The following SLC24A2 variants were observed in gnomAD, a reference collection of about 807,000 sequenced individuals.
The protein encoded by SLC24A2 is solute carrier family 24 member 2.
A neutral mutation model predicts 62.0 loss-of-function variants in SLC24A2; 36 were observed. That is an observed-to-expected ratio of 0.58 (90% CI 0.44 to 0.77). SLC24A2 has a LOEUF of 0.77. Ranked by LOEUF, SLC24A2 falls within the 30% of genes least tolerant of loss-of-function variation. SLC24A2 has a pLI of 0.00. For synonymous variants in SLC24A2, 358 were observed against 294.0 expected (o/e 1.22, Z -2.23); for missense variants, 846 against 817.9 (o/e 1.03, Z -0.42).
chr9:19,556,482 G>A (rs761529945), intron 7 of SLC24A2, among the ~76,000 whole-genome samples: 4 of 152,118 alleles, frequency 2.6e-5, no homozygotes, highest in Non-Finnish European at 5.9e-5. Flanking sequence ...AACTCAGGAG[G>A]CATCTGAAAA....
At chr9:19,726,430 G>A (rs530610044) in intron 2 of SLC24A2, among the ~76,000 whole-genome samples, 1 of 152,190 alleles carries the variant, frequency 6.6e-6, no homozygotes, top group South Asian at 2.1e-4. Context: ...TGTTCATCTT[G>A]TTTTATTTTA....
intron 2 of SLC24A2, among the ~76,000 whole-genome samples, chr9:19,686,397 C>G (rs1002383476): frequency 1.3e-5 from 2 of 152,076 alleles, no homozygotes; most frequent in African/African-American, 4.8e-5. Flanking sequence ...CCCAGCAATT[C>G]CAATACTGGC....
chr9:19,601,674 G>A (rs1366219202), intron 4 of SLC24A2, among the ~76,000 whole-genome samples: 1 of 151,382 alleles, frequency 6.6e-6, no homozygotes. Flanking sequence ...TTTTCACAAA[G>A]TCCAGGAGAT....
chr9:20,077,584 A>G, the SLC24A2 span, among the ~76,000 whole-genome samples: 1 of 148,540 alleles, frequency 6.7e-6, no homozygotes, highest in African/African-American at 2.4e-5. Context: ...GGCTGCCCCC[A>G]GCTTTCTGGG....
At chr9:20,264,539 A>C in the SLC24A2 span, among the ~76,000 whole-genome samples, 1 of 152,224 alleles carries the variant, frequency 6.6e-6, no homozygotes, top group South Asian at 2.1e-4. Context: ...TGAAGTATCA[A>C]ACACAATTGG....
At chr9:19,774,014 T>C (rs888472988) in intron 2 of SLC24A2, among the ~76,000 whole-genome samples, 2 of 152,156 alleles carry the variant, frequency 1.3e-5, no homozygotes, top group Non-Finnish European at 2.9e-5. Flanking sequence ...CAGATTCATA[T>C]GGCTGCAAGG....
At chr9:19,964,103 G>A in the SLC24A2 span, among the ~76,000 whole-genome samples, 2 of 151,484 alleles carry the variant, frequency 1.3e-5, no homozygotes, top group Admixed American at 1.3e-4. Context: ...ATCATACTCA[G>A]TAAACTATCG....
the SLC24A2 span, among the ~76,000 whole-genome samples, chr9:19,886,967 C>T: frequency 6.6e-6 from 1 of 152,282 alleles, no homozygotes; most frequent in Non-Finnish European, 1.5e-5. Context: ...AAACAAAACA[C>T]CACATGTTCT....
At chr9:19,738,467 G>T (rs751903216) in intron 2 of SLC24A2, among the ~76,000 whole-genome samples, 10 of 151,624 alleles carry the variant, frequency 6.6e-5, no homozygotes, top group Non-Finnish European at 1.5e-4. Flanking sequence ...GTGATATGTT[G>T]GTCTAAAAGT....
At chr9:19,829,658 G>A in the SLC24A2 span, among the ~76,000 whole-genome samples, 15 of 151,646 alleles carry the variant, frequency 9.9e-5, no homozygotes. Context: ...TTGAGCCCAA[G>A]AGTTAGAGGC....
At chr9:19,781,225 C>T (rs980267797) in intron 2 of SLC24A2, among the ~76,000 whole-genome samples, 5 of 152,124 alleles carry the variant, frequency 3.3e-5, no homozygotes, top group Non-Finnish European at 5.9e-5. Context: ...GTACTTGTGT[C>T]CCCAGTAGCA....
chr9:20,307,427 C>A, the SLC24A2 span, among the ~76,000 whole-genome samples: 1 of 152,306 alleles, frequency 6.6e-6, no homozygotes, highest in East Asian at 1.9e-4. Flanking sequence ...ACCAATTCCA[C>A]CCACATTTGG....
chr9:19,600,502 A>G (rs1836814601), intron 4 of SLC24A2, among the ~76,000 whole-genome samples: 1 of 152,252 alleles, frequency 6.6e-6, no homozygotes, highest in Non-Finnish European at 1.5e-5. Flanking sequence ...AAGGTAGGTT[A>G]TAATCACAGA....
chr9:20,222,351 G>A, the SLC24A2 span, among the ~76,000 whole-genome samples: 2 of 151,868 alleles, frequency 1.3e-5, no homozygotes, highest in Non-Finnish European at 2.9e-5. Flanking sequence ...CTCAAATACA[G>A]CAGAAAACAA....
chr9:19,670,275 T>A (rs1466014858), intron 2 of SLC24A2, among the ~76,000 whole-genome samples: 2 of 152,328 alleles, frequency 1.3e-5, no homozygotes, highest in African/African-American at 4.8e-5. Context: ...GGGTTATTCC[T>A]TATTAAGTTT....
chr9:20,232,371 T>C, the SLC24A2 span, among the ~76,000 whole-genome samples: 3 of 152,250 alleles, frequency 2.0e-5, no homozygotes, highest in Non-Finnish European at 2.9e-5. Context: ...GTCCTGGAGT[T>C]TTTTTGGTTG....
chr9:19,525,880 T>G (rs1833427973), intron 9 of SLC24A2, among the ~76,000 whole-genome samples: 1 of 151,926 alleles, frequency 6.6e-6, no homozygotes, highest in African/African-American at 2.4e-5. Context: ...ATTTAGCCAT[T>G]TTAAAGTGTA....
the SLC24A2 span, among the ~76,000 whole-genome samples, chr9:19,979,600 C>T: frequency 1.3e-5 from 2 of 152,100 alleles, no homozygotes; most frequent in African/African-American, 4.8e-5. Flanking sequence ...CAAGGCATTC[C>T]ATCATTCTCT....
chr9:19,990,967 ATATG>A, the SLC24A2 span, among the ~76,000 whole-genome samples: 2 of 146,682 alleles, frequency 1.4e-5, no homozygotes, highest in Non-Finnish European at 3.0e-5. Context: ...TATATACTAT[ATATG>A]TATGTATATG....
Sources: gnomAD v4.1 joint callset for allele counts (sites outside exome capture counted in the v4.1 genomes callset) on GRCh38, gnomAD v4.1.1 for gene constraint, MANE v1.5 for transcripts, NCBI Gene and HGNC (gene_info 2026-07-23, HGNC 2026-07-21) for gene names.